CRPPA: variants seen among roughly 807,000 people sequenced by gnomAD.
CRPPA encodes CDP-L-ribitol pyrophosphorylase A.
In CRPPA, 43 loss-of-function variants were observed where a neutral mutation model predicts 52.0. The ratio of observed to expected loss-of-function variants is 0.83; its 90% CI spans 0.65 to 1.07. CRPPA has a LOEUF of 1.07. Among genes scored for constraint, CRPPA ranks in the 50% least tolerant of loss-of-function variants. The probability of loss-of-function intolerance (pLI) is 0.00; values close to 1 mark genes in which losing one functional copy is unlikely to be tolerated. For missense variants in CRPPA, 629 were observed against 551.7 expected, an observed-to-expected ratio of 1.14 and a Z score of -1.40; for synonymous variants, 250 against 203.5, an observed-to-expected ratio of 1.23 and a Z score of -1.94.
At chr7:16,146,522 C>T (rs1373132366) in intron 9 of CRPPA, among the ~76,000 whole-genome samples, 1 of 152,012 alleles carries the variant, frequency 6.6e-6, no homozygotes, top group Non-Finnish European at 1.5e-5. Context: ...CTTTCAACTA[C>T]AGTATACAGT....
At chr7:16,178,332 C>T (rs1781346312) in intron 9 of CRPPA, among the ~76,000 whole-genome samples, 2 of 152,018 alleles carry the variant, frequency 1.3e-5, no homozygotes, top group African/African-American at 4.8e-5. Flanking sequence ...GAGTTATTAG[C>T]GATTCCAGTA....
chr7:16,188,423 G>A (rs1270082613), intron 9 of CRPPA, among the ~76,000 whole-genome samples: 1 of 152,116 alleles, frequency 6.6e-6, no homozygotes, highest in African/African-American at 2.4e-5. Flanking sequence ...CATAATTACT[G>A]ATTGAAACAG....
intron 8 of CRPPA, among the ~76,000 whole-genome samples, chr7:16,238,990 T>C (rs932423480): frequency 1.8e-4 from 27 of 151,906 alleles, no homozygotes; most frequent in African/African-American, 6.0e-4. Context: ...ACACAAAAAA[T>C]TAGCCAGGTG....
intron 9 of CRPPA, among the ~76,000 whole-genome samples, chr7:16,106,644 G>A (rs375926744): frequency 3.7e-4 from 57 of 152,274 alleles, no homozygotes; most frequent in African/African-American, 1.3e-3. Flanking sequence ...ATCTATCCCT[G>A]CTAAAGAACA....
intron 9 of CRPPA, among the ~76,000 whole-genome samples, chr7:16,209,432 C>T (rs181682509): frequency 1.1e-3 from 170 of 151,952 alleles, no homozygotes; most frequent in African/African-American, 3.6e-3. Flanking sequence ...CCACCACAAT[C>T]GGCTAATTTT....
chr7:16,394,376 A>G (rs1342267699), intron 2 of CRPPA, among the ~76,000 whole-genome samples: 1 of 152,194 alleles, frequency 6.6e-6, no homozygotes, highest in Non-Finnish European at 1.5e-5. Context: ...TATGCAAAGC[A>G]TGTTTTAAAA....
At chr7:16,374,829 C>T (rs1199736097) in intron 3 of CRPPA, among the ~76,000 whole-genome samples, 3 of 152,142 alleles carry the variant, frequency 2.0e-5, no homozygotes, top group African/African-American at 7.2e-5. Flanking sequence ...AAAAAAAAAT[C>T]AAACTTAATC....
intron 2 of CRPPA, among the ~76,000 whole-genome samples, chr7:16,394,217 T>C (rs1360427464): frequency 1.3e-5 from 2 of 152,132 alleles, no homozygotes. Flanking sequence ...AATGTTTACA[T>C]CAGCAAAAAA....
At chr7:16,234,819 T>C (rs1458866701) in intron 8 of CRPPA, among the ~76,000 whole-genome samples, 11 of 151,928 alleles carry the variant, frequency 7.2e-5, no homozygotes, top group Non-Finnish European at 2.9e-5. Flanking sequence ...TAGGGAAGGA[T>C]TGCAAGAGGA....
intron 9 of CRPPA, among the ~76,000 whole-genome samples, chr7:16,119,850 A>G (rs1450110063): frequency 6.6e-6 from 1 of 152,208 alleles, no homozygotes; most frequent in Non-Finnish European, 1.5e-5. Context: ...AAGAGAAGGT[A>G]TCAAGTAGAC....
rs140501272 is a variant in CRPPA at position 16,373,581 on chromosome 7, G to A, written c.684+2511C>T. Among the ~76,000 whole-genome samples the A allele has an allele frequency of 6.8e-3, 1,030 of 152,230 alleles. 8 individuals carry two copies. Among genetic ancestry groups the A allele is most frequent in the South Asian group, 0.018 (88 of 4,820 alleles). On this transcript the variant is annotated intron_variant, in intron 3 of 9. Coordinates refer to ENST00000407010, the MANE Select transcript of CRPPA (RefSeq NM_001101426.4). ...TCAATTGTAAGTCTGATGCTGGGGAGAGATGAAAAACAGGCACTAAAAGAA... is the reference window on the plus strand; with the variant it reads ...TCAATTGTAAGTCTGATGCTGGGGAAAGATGAAAAACAGGCACTAAAAGAA...
intron 9 of CRPPA, among the ~76,000 whole-genome samples, chr7:16,104,732 C>G (rs1289368530): frequency 6.6e-6 from 1 of 151,780 alleles, no homozygotes; most frequent in Non-Finnish European, 1.5e-5. Context: ...AATCCCATCT[C>G]TACAAAAAAT....
At chr7:16,387,046 T>G (rs1485250368) in intron 2 of CRPPA, among the ~76,000 whole-genome samples, 2 of 7,944 alleles carry the variant, frequency 2.5e-4, no homozygotes, top group Non-Finnish European at 8.0e-4. Flanking sequence ...AAAAAAAAGA[T>G]ATATATATAT....
At chr7:16,385,083 A>C (rs944239792) in intron 2 of CRPPA, among the ~76,000 whole-genome samples, 1 of 152,224 alleles carries the variant, frequency 6.6e-6, no homozygotes, top group African/African-American at 2.4e-5. Flanking sequence ...GGAATCAATG[A>C]ACTTACACTT....
chr7:16,105,318 C>G (rs1380534915), intron 9 of CRPPA, among the ~76,000 whole-genome samples: 1 of 152,214 alleles, frequency 6.6e-6, no homozygotes, highest in South Asian at 2.1e-4. Context: ...GAAGAATGAT[C>G]TCACTCCAAC....
chr7:16,339,274 T>A (rs957853346), intron 3 of CRPPA, among the ~76,000 whole-genome samples: 1 of 152,122 alleles, frequency 6.6e-6, no homozygotes, highest in Non-Finnish European at 1.5e-5. Flanking sequence ...CAATAGCTCA[T>A]GAATATATAT....
chr7:16,115,888 A>C (rs186383326), intron 9 of CRPPA, among the ~76,000 whole-genome samples: 23 of 152,334 alleles, frequency 1.5e-4, no homozygotes, highest in African/African-American at 5.5e-4. Flanking sequence ...GAAAGGGAAA[A>C]AGAGCAGAAA....
chr7:16,421,141 C>A lies in CRPPA; in HGVS notation c.182G>T (p.Gly61Val). ...GCAGAATTGCTTCGGGGTGGGGACC[C>A]CCATCCTCTCCCCGCACCCCCCGGC... is the stretch of plus-strand genomic sequence containing the variant. The part of the protein sequence containing the change: ...LPAGGCGERM[G>V]VPTPKQFCPI... Residue 61 changes from glycine (G) to valine (V), a missense_variant, in exon 1 of 10, where the codon GGG (glycine) becomes GTG (valine). By Grantham distance (109) the Gly-to-Val change is moderately radical. Transcript: ENST00000407010. 1 of 1,332,868 alleles carries A rather than the reference C, an allele frequency of 7.5e-7. No homozygotes were observed. The highest frequency in any genetic ancestry group is 9.7e-7 in the Non-Finnish European group (1 of 1,036,230). 82.6% of individuals were successfully genotyped at this position (1,332,868 alleles called of 1,614,324 possible).
At chr7:16,184,381 T>C (rs1261491975) in intron 9 of CRPPA, among the ~76,000 whole-genome samples, 1 of 152,214 alleles carries the variant, frequency 6.6e-6, no homozygotes, top group African/African-American at 2.4e-5. Flanking sequence ...CTCATACTGC[T>C]TCTTCTCATA....
Sources: allele counts gnomAD v4.1 joint callset (sites outside exome capture counted in the v4.1 genomes callset), GRCh38; gene constraint gnomAD v4.1.1; transcripts MANE v1.5; gene names NCBI Gene and HGNC (gene_info 2026-07-23, HGNC 2026-07-21).